The following ADCY5 variants were observed in gnomAD, a reference collection of about 807,000 sequenced individuals.
The protein encoded by ADCY5 is adenylate cyclase 5, also known as adenylate cyclase type 5.
In ADCY5, 30 loss-of-function variants were observed where a neutral mutation model predicts 119.7. The ratio of observed to expected loss-of-function variants is 0.25; its 90% CI spans 0.19 to 0.34. The LOEUF is 0.34. Ranked by LOEUF, ADCY5 falls within the 10% of genes least tolerant of loss-of-function variation. The probability of loss-of-function intolerance (pLI) is 1.00; values close to 1 mark genes in which losing one functional copy is unlikely to be tolerated. For missense variants in ADCY5, 1,324 were observed against 1,775.2 expected (o/e 0.75, Z 4.57); for synonymous variants, 753 against 762.2 (o/e 0.99, Z 0.20).
At position 123,448,170 on chromosome 3, in the gene ADCY5, C is replaced by T. The variant is rs921143079; in HGVS notation, c.376G>A (p.Gly126Ser). Residue 126 changes from glycine (G) to serine (S), a missense_variant, in exon 1 of 21, where the codon GGC becomes AGC. This residue lies in a region of ADCY5 where 585 missense variants were observed against 569.9 expected (regional missense o/e 1.03). Transcript: ENST00000462833. Reference sequence around the variant, plus strand: ...CCCGCAGGGGGCGCCCGGGTGCTGCCCCCGCTGGCCGCGCCCCGCCGCTGC... The same window carrying T: ...CCCGCAGGGGGCGCCCGGGTGCTGCTCCCGCTGGCCGCGCCCCGCCGCTGC... The part of the protein sequence containing the change: ...RRQRRGAASG[G>S]STRAPPAGGG... 1.9e-5 allele frequency: 22 copies of T among 1,146,096 alleles called. No homozygotes were observed. The highest frequency in any genetic ancestry group is 2.2e-5 in the Non-Finnish European group (21 of 934,852). The allele number at this position is 1,146,096 out of a possible 1,614,324, so 71.0% of individuals were successfully genotyped here. A position where few individuals can be genotyped will look rare whatever the true frequency, so the allele number is the denominator to read the frequency against.
chr3:123,320,529 G>A (rs1212243487), intron 9 of ADCY5, among the ~76,000 whole-genome samples: 2 of 152,210 alleles, frequency 1.3e-5, no homozygotes, highest in East Asian at 3.9e-4. Flanking sequence ...GCAGTGCTGA[G>A]GCTCTGTCCT....
chr3:123,432,572 C>G (rs1161269116), intron 1 of ADCY5, among the ~76,000 whole-genome samples: 1 of 152,016 alleles, frequency 6.6e-6, no homozygotes, highest in African/African-American at 2.4e-5. Context: ...TGCTCCGTGC[C>G]CAGGCTGGAG....
In ADCY5 at chr3:123,286,877, C is replaced by A; in HGVS notation, c.3533-68G>T. 2 of 1,520,518 alleles carry A rather than the reference C, an allele frequency of 1.3e-6. No individual in the cohort carries two copies. Among genetic ancestry groups the A allele is most frequent in the Non-Finnish European group, 1.8e-6 (2 of 1,138,118 alleles). The allele number at this position is 1,520,518 out of a possible 1,614,324, so 94.2% of individuals were successfully genotyped here. A position where few individuals can be genotyped will look rare whatever the true frequency, so the allele number is the denominator to read the frequency against. On this transcript the variant is annotated intron_variant, in intron 19 of 20. Coordinates refer to ENST00000462833, the MANE Select transcript of ADCY5 (RefSeq NM_183357.3). The surrounding 1 kb of genome is among the most constrained non-coding windows in gnomAD (Gnocchi z 4.2). ...TTGACCTTGCCACCATCTGTCTCCC[C>A]ACATGCTGCAGGTCCTTCTGACTCC... is the stretch of plus-strand genomic sequence containing the variant.
chr3:123,332,730 C>A, intron 3 of ADCY5, 55 bp from the exon 4 acceptor site: 2 of 1,163,880 alleles, frequency 1.7e-6, no homozygotes, highest in Non-Finnish European at 2.6e-6. Context: ...TTTGTGTCTC[C>A]CAAATTCATA....
chr3:123,345,079 C>G (rs1942465947), intron 3 of ADCY5, among the ~76,000 whole-genome samples: 1 of 152,206 alleles, frequency 6.6e-6, no homozygotes, highest in Non-Finnish European at 1.5e-5. Context: ...CTTTTATCAA[C>G]CCAAAGTCAC....
intron 17 of ADCY5, among the ~76,000 whole-genome samples, chr3:123,294,504 T>C (rs1939369048): frequency 6.6e-6 from 1 of 152,224 alleles, no homozygotes; most frequent in African/African-American, 2.4e-5. Context: ...AGTCTCTCAG[T>C]GCGAGGCACC....
At chr3:123,362,751 G>A (rs1186635908) in intron 1 of ADCY5, among the ~76,000 whole-genome samples, 1 of 152,114 alleles carries the variant, frequency 6.6e-6, no homozygotes, top group Non-Finnish European at 1.5e-5. Flanking sequence ...CTATCCTCAA[G>A]TTAATTTCAT....
Position 123,363,175 on chromosome 3 carries a change from C to CAA in ADCY5, c.1135-10596_1135-10595dup, listed in dbSNP as rs58090373. The stretch of plus-strand genomic sequence containing the variant: ...AAAAAAAAAAAAAGGAATTGAAGAA[C>CAA]AAAAAAAAAAATGGGTAATGTGGAT... On this transcript the variant is annotated intron_variant, in intron 1 of 20. Transcript: ENST00000462833. Among the ~76,000 whole-genome samples, 534 of 90,146 alleles carry CAA rather than the reference C, an allele frequency of 5.9e-3. 8 individuals are homozygous for CAA. Among genetic ancestry groups the CAA allele is most frequent in the African/African-American group, 0.016 (500 of 30,346 alleles). The allele number at this position is 90,146 out of a possible 152,430, so 59.1% of individuals were successfully genotyped here.
chr3:123,299,715 G>A (rs866206416), intron 15 of ADCY5, among the ~76,000 whole-genome samples: 4 of 152,234 alleles, frequency 2.6e-5, no homozygotes, highest in South Asian at 2.1e-4. Context: ...GAGGAACAGC[G>A]GATATCCAGG....
chr3:123,353,568 T>C (rs933818836), intron 1 of ADCY5, among the ~76,000 whole-genome samples: 4 of 152,108 alleles, frequency 2.6e-5, no homozygotes, highest in Non-Finnish European at 5.9e-5. Context: ...AAAACTTCCT[T>C]AGTCCCAGCT....
intron 5 of ADCY5, 25 bp downstream of exon 5, chr3:123,330,864 C>T (rs764408639): frequency 6.6e-5 from 106 of 1,594,916 alleles, no homozygotes; most frequent in Middle Eastern, 1.8e-4. Context: ...GGGAGGGAGA[C>T]GGTACCCGGG....
chr3:123,290,149 A>C (rs1939053832), intron 18 of ADCY5, among the ~76,000 whole-genome samples, 195 bp from the exon 19 acceptor site: 1 of 151,382 alleles, frequency 6.6e-6, no homozygotes, highest in Admixed American at 6.6e-5. Context: ...CTCCACACTC[A>C]CTCACCCACT....
intron 11 of ADCY5, 55 bp from the exon 12 acceptor site, chr3:123,314,377 C>G: frequency 7.1e-7 from 1 of 1,418,170 alleles, no homozygotes; most frequent in Non-Finnish European, 9.8e-7. Flanking sequence ...AGGGCTGCAG[C>G]TTCTGGGGGA....
chr3:123,325,259 A>G, intron 8 of ADCY5, 63 bp downstream of exon 8: 1 of 1,583,948 alleles, frequency 6.3e-7, no homozygotes, highest in Middle Eastern at 1.8e-4. Context: ...TGCGGGCCTC[A>G]TGCCCACAGA....
chr3:123,284,770 C>T (rs1462047945), intron 20 of ADCY5, 34 bp from the exon 21 acceptor site: 1 of 1,613,634 alleles, frequency 6.2e-7, no homozygotes, highest in African/African-American at 1.3e-5. Flanking sequence ...GGGCAAGCCA[C>T]TGATGGCCTT....
At chr3:123,312,549 C>A (rs1940643438) in intron 12 of ADCY5, among the ~76,000 whole-genome samples, 2 of 152,230 alleles carry the variant, frequency 1.3e-5, no homozygotes, top group Non-Finnish European at 2.9e-5. Context: ...AGCAATTACA[C>A]CTGTTCTCCC....
intron 17 of ADCY5, 109 bp from the exon 18 acceptor site, chr3:123,291,485 G>GC: frequency 7.4e-7 from 1 of 1,348,078 alleles, no homozygotes; most frequent in Non-Finnish European, 1.0e-6. Context: ...TCACGCAAAT[G>GC]CCAACTTGTG....
intron 1 of ADCY5, among the ~76,000 whole-genome samples, chr3:123,399,567 A>C (rs1944699822): frequency 6.6e-6 from 1 of 151,964 alleles, no homozygotes. Flanking sequence ...CTCTTAACAC[A>C]TTTTGAAGTG....
chr3:123,385,284 G>GACACACACACAC lies in ADCY5; in HGVS notation c.1135-32704_1135-32703insGTGTGTGTGTGT, dbSNP rs146450872. On this transcript the variant is annotated intron_variant, in intron 1 of 20. Transcript: ENST00000462833. ...CTAGGGGCAAAAAATGTCCACTGCA[G>GACACACACACAC]ACACACACGCACACACACACACACA... Among the ~76,000 whole-genome samples the GACACACACACAC allele has an allele frequency of 6.3e-3, 892 of 142,110 alleles. 6 individuals carry two copies. Among genetic ancestry groups the GACACACACACAC allele is most frequent in the Admixed American group, 0.01 (149 of 14,838 alleles). The allele number at this position is 142,110 out of a possible 152,430, so 93.2% of individuals were successfully genotyped here.
Sources: gnomAD v4.1 joint callset for allele counts (sites outside exome capture counted in the v4.1 genomes callset) on GRCh38, gnomAD v4.1.1 for gene constraint, gnomAD v4.1.1 regional missense constraint, Gnocchi (gnomAD v3.1) non-coding constraint, MANE v1.5 for transcripts, NCBI Gene and HGNC (gene_info 2026-07-23, HGNC 2026-07-21) for gene names.